The following ZNF441 variants were observed in gnomAD, a reference collection of about 807,000 sequenced individuals.
ZNF441 encodes the protein zinc finger protein 441.
A neutral mutation model predicts 64.5 loss-of-function variants in ZNF441; 25 were observed. The ratio of observed to expected loss-of-function variants is 0.39; its 90% CI spans 0.28 to 0.54. The LOEUF (loss-of-function observed/expected upper bound fraction) is 0.54, where lower values mean the gene tolerates loss of function less well. Ranked by LOEUF, ZNF441 falls within the 20% of genes least tolerant of loss-of-function variation. ZNF441 has a pLI of 0.70. For synonymous variants in ZNF441, 262 were observed against 268.0 expected (o/e 0.98, Z 0.22); for missense variants, 715 against 843.3 (o/e 0.85, Z 1.88).
intron 1 of ZNF441, among the ~76,000 whole-genome samples, chr19:11,768,190 G>A (rs1975285993): frequency 6.6e-6 from 1 of 152,164 alleles, no homozygotes; most frequent in Non-Finnish European, 1.5e-5. Flanking sequence ...GGCTTCCAGA[G>A]CCTTCCTCAG....
At chr19:11,775,642 T>TG (rs1975349352) in intron 1 of ZNF441, among the ~76,000 whole-genome samples, 1 of 149,676 alleles carries the variant, frequency 6.7e-6, no homozygotes, top group African/African-American at 2.5e-5. Flanking sequence ...TTTTTTTTTT[T>TG]TTTGTGACGG....
chr19:11,775,842 G>T (rs1385148535), intron 1 of ZNF441, among the ~76,000 whole-genome samples: 1 of 150,248 alleles, frequency 6.7e-6, no homozygotes, highest in African/African-American at 2.5e-5. Flanking sequence ...TGACCAGGCT[G>T]GTCTCAAACT....
At chr19:11,770,402 AAG>A (rs558264997) in intron 1 of ZNF441, among the ~76,000 whole-genome samples, 1 of 152,326 alleles carries the variant, frequency 6.6e-6, no homozygotes, top group African/African-American at 2.4e-5. Flanking sequence ...GGTGGTGACA[AAG>A]AGCCAAACCA....
At chr19:11,772,356 A>G (rs1222888593) in intron 1 of ZNF441, among the ~76,000 whole-genome samples, 1 of 152,134 alleles carries the variant, frequency 6.6e-6, no homozygotes, top group African/African-American at 2.4e-5. Flanking sequence ...TCGTCACCGC[A>G]CATGGGGAGA....
chr19:11,780,491 C>T lies in ZNF441; in HGVS notation c.667C>T (p.Pro223Ser), dbSNP rs371388394. The T allele has an allele frequency of 6.2e-7, 1 of 1,614,014 alleles. No homozygotes were observed. Among genetic ancestry groups the T allele is most frequent in the Non-Finnish European group, 8.5e-7 (1 of 1,180,036 alleles). ...MLRRTHTEEK[P>S]YEYEQCSTAF... Reference sequence around the variant, plus strand: ...TAGAAGAACTCACACTGAAGAGAAACCATATGAATATGAGCAGTGTTCTAC... The same window carrying T: ...TAGAAGAACTCACACTGAAGAGAAATCATATGAATATGAGCAGTGTTCTAC... The change falls in exon 4 of 4, where the codon CCA becomes TCA. Residue 223 changes from proline to serine, a missense_variant. By Grantham distance (74) the Pro-to-Ser change is moderately conservative (BLOSUM62 -1). This residue lies in a region of ZNF441 where 399 missense variants were observed against 413.9 expected (regional missense o/e 0.96). Transcript: ENST00000357901.
At chr19:11,770,584 T>C (rs1568479455) in intron 1 of ZNF441, among the ~76,000 whole-genome samples, 3 of 152,272 alleles carry the variant, frequency 2.0e-5, no homozygotes, top group South Asian at 2.1e-4. Context: ...TGTTTGTTTG[T>C]TTGCTTGAAG....
In ZNF441 at chr19:11,781,635, GA is replaced by G; in HGVS notation, c.1812del (p.Arg604SerfsTer88). On this transcript the variant is annotated frameshift_variant, in exon 4 of 4. Coordinates refer to ENST00000357901, the MANE Select transcript of ZNF441 (RefSeq NM_152355.3). LOFTEE classifies it high-confidence loss of function. ...KGFDYPSSVQ[R>X]HERTHTGEKP... Reference sequence around the variant, plus strand: ...TTTGATTATCCCAGTTCAGTGCAAAGACATGAAAGAACTCACACTGGAGAGA... The same window carrying G: ...TTTGATTATCCCAGTTCAGTGCAAAGCATGAAAGAACTCACACTGGAGAGA... The G allele has an allele frequency of 6.2e-7, 1 of 1,613,750 alleles. No homozygotes were observed. The highest frequency in any genetic ancestry group is 8.5e-7 in the Non-Finnish European group (1 of 1,179,898).
At chr19:11,769,010 G>T (rs377149598) in intron 1 of ZNF441, among the ~76,000 whole-genome samples, 2,152 of 152,234 alleles carry the variant, frequency 0.014, 47 homozygotes, top group African/African-American at 0.05. Context: ...GGTGATGGGG[G>T]ATGTTCCAGG....
chr19:11,777,760 A>G (rs1279406675), intron 2 of ZNF441, 23 bp downstream of exon 2: 1 of 1,594,864 alleles, frequency 6.3e-7, no homozygotes, highest in Non-Finnish European at 8.5e-7. Flanking sequence ...TCATGTCTTC[A>G]CTTAGTCAAT....
intron 3 of ZNF441, among the ~76,000 whole-genome samples, chr19:11,779,701 T>C (rs1285736302): frequency 6.7e-6 from 1 of 149,948 alleles, no homozygotes; most frequent in Non-Finnish European, 1.5e-5. Flanking sequence ...GAGCCGAGAT[T>C]GCGCCACTGC....
In ZNF441 at chr19:11,782,933, A is replaced by G. The variant is rs1975415613; in HGVS notation, c.*1027A>G. 6.6e-6 allele frequency: 1 copy of G among 152,354 alleles called. No homozygotes were observed. The highest frequency in any genetic ancestry group is 2.1e-4 in the South Asian group (1 of 4,830). 9.4% of individuals were successfully genotyped at this position (152,354 alleles called of 1,614,324 possible). On this transcript the variant is annotated 3_prime_UTR_variant, in exon 4 of 4. Coordinates refer to ENST00000357901, the MANE Select transcript of ZNF441 (RefSeq NM_152355.3). ...ATACCTCAAAGCACAGACAACAAAG[A>G]TAAAAATAGACAAATGAGACTATCT... is the stretch of plus-strand genomic sequence containing the variant.
chr19:11,780,532 T>C lies in ZNF441; in HGVS notation c.708T>C (p.Tyr236=). The stretch of plus-strand genomic sequence containing the variant: ...AGTGTTCTACAGCGTTTCCTGCTTA[T>C]AGTTCCACTCTAAGACATGAAAGAA... ...YEQCSTAFPA[Y]SSTLRHERTH... Residue 236 remains tyrosine, a synonymous_variant, in exon 4 of 4, where the codon TAT becomes TAC. Transcript: ENST00000357901. The C allele has an allele frequency of 1.2e-6, 2 of 1,614,156 alleles. No homozygotes were observed. The highest frequency in any genetic ancestry group is 1.7e-5 in the Admixed American group (1 of 60,030).
In ZNF441 at chr19:11,781,152, G is replaced by A. The variant is rs1975399301; in HGVS notation, c.1328G>A (p.Gly443Glu). 1 of 1,613,982 alleles carries A rather than the reference G, an allele frequency of 6.2e-7. No individual in the cohort carries two copies. Among genetic ancestry groups the A allele is most frequent in the Non-Finnish European group, 8.5e-7 (1 of 1,180,020 alleles). ...CAAATACATGAAAGAATTCACACTGGGGAGAGACCCTATAAATGTAAACAA... is the reference window on the plus strand; with the variant it reads ...CAAATACATGAAAGAATTCACACTGAGGAGAGACCCTATAAATGTAAACAA... ...YLQIHERIHT[G>E]ERPYKCKQCG... The change falls in exon 4 of 4, where the codon GGG becomes GAG. Residue 443 changes from glycine to glutamate, a missense_variant. By Grantham distance (98) the Gly-to-Glu change is moderately conservative (BLOSUM62 -2). Transcript: ENST00000357901.
intron 1 of ZNF441, among the ~76,000 whole-genome samples, chr19:11,770,535 T>C (rs1975305029): frequency 1.3e-5 from 2 of 152,324 alleles, no homozygotes; most frequent in South Asian, 4.1e-4. Context: ...AATTCAACAG[T>C]GAAACCATGC....
intron 3 of ZNF441, 140 bp downstream of exon 3, chr19:11,778,533 G>T (rs966115927): frequency 1.6e-6 from 1 of 637,864 alleles, no homozygotes; most frequent in Non-Finnish European, 2.7e-6. Flanking sequence ...ATCATAGCTC[G>T]CTGTAGCCTC....
In ZNF441 at chr19:11,782,126, C is replaced by A; in HGVS notation, c.*220C>A. The A allele has an allele frequency of 2.5e-6, 1 of 403,148 alleles. No homozygotes were observed. The highest frequency in any genetic ancestry group is 4.4e-6 in the Non-Finnish European group (1 of 227,362). The allele number at this position is 403,148 out of a possible 1,614,324, so 25.0% of individuals were successfully genotyped here. ...ATATGAAAAAACTTTCTTTGTCTAG[C>A]AAACTTTCAAAGGTGGTTATTATAA... On this transcript the variant is annotated 3_prime_UTR_variant, in exon 4 of 4. Coordinates refer to ENST00000357901, the MANE Select transcript of ZNF441 (RefSeq NM_152355.3).
In ZNF441 at chr19:11,781,518, G is replaced by A; in HGVS notation, c.1694G>A (p.Gly565Glu). The change falls in exon 4 of 4, where the codon GGG becomes GAG. Residue 565 changes from glycine (G) to glutamate (E), a missense_variant. By Grantham distance (98) the Gly-to-Glu change is moderately conservative. Around this residue, in one of 2 missense-constraint regions of ZNF441, gnomAD observed 316 missense variants for 429.3 expected, o/e 0.74. Coordinates refer to ENST00000357901, the MANE Select transcript of ZNF441 (RefSeq NM_152355.3). ...GEKPYGCQQC[G>E]KALSDLSSFR... ...AAACCCTATGGTTGTCAGCAATGTGGGAAAGCATTATCTGATCTCTCAAGC... is the reference window on the plus strand; with the variant it reads ...AAACCCTATGGTTGTCAGCAATGTGAGAAAGCATTATCTGATCTCTCAAGC... 6.2e-7 allele frequency: 1 copy of A among 1,614,016 alleles called. No homozygotes were observed. Among genetic ancestry groups the A allele is most frequent in the Non-Finnish European group, 8.5e-7 (1 of 1,179,976 alleles).
chr19:11,782,083 A>G lies in ZNF441; in HGVS notation c.*177A>G. On this transcript the variant is annotated 3_prime_UTR_variant, in exon 4 of 4. Coordinates refer to ENST00000357901, the MANE Select transcript of ZNF441 (RefSeq NM_152355.3). Reference sequence around the variant, plus strand: ...CCAAACTCATACTTCAAAAATATATATATAATGAATGTGAGGAATATGAAA... The same window carrying G: ...CCAAACTCATACTTCAAAAATATATGTATAATGAATGTGAGGAATATGAAA... The G allele has an allele frequency of 6.2e-6, 3 of 487,458 alleles. No homozygotes were observed. The South Asian group carries it at 1.5e-4, about 24-fold the overall frequency. The allele number at this position is 487,458 out of a possible 1,614,324, so 30.2% of individuals were successfully genotyped here. A position where few individuals can be genotyped will look rare whatever the true frequency, so the allele number is the denominator to read the frequency against.
In ZNF441 at chr19:11,780,794, C is replaced by G. The variant is rs140016466; in HGVS notation, c.970C>G (p.Arg324Gly). The change falls in exon 4 of 4, where the codon CGA becomes GGA. Residue 324 changes from arginine to glycine, a missense_variant. Arg to Gly is a moderately radical substitution (Grantham distance 125). Transcript: ENST00000357901. ...AGGCTTTCTTTCTCCCAGTTCAGTTCGAAGACATAAAAGAACTCACACTGG... is the reference window on the plus strand; with the variant it reads ...AGGCTTTCTTTCTCCCAGTTCAGTTGGAAGACATAAAAGAACTCACACTGG... ...GKGFLSPSSV[R>G]RHKRTHTGEK... The G allele has an allele frequency of 1.2e-6, 2 of 1,613,912 alleles. No homozygotes were observed. Among genetic ancestry groups the G allele is most frequent in the African/African-American group, 2.7e-5 (2 of 74,874 alleles).
Sources: gnomAD v4.1 joint callset for allele counts (sites outside exome capture counted in the v4.1 genomes callset) on GRCh38, gnomAD v4.1.1 for gene constraint, gnomAD v4.1.1 regional missense constraint, MANE v1.5 for transcripts, NCBI Gene and HGNC (gene_info 2026-07-23, HGNC 2026-07-21) for gene names.